Variants in AVEN observed in about 807,000 individuals in gnomAD.
AVEN encodes the protein cell death regulator Aven.
AVEN carries 41 observed loss-of-function variants against 38.1 expected under a neutral mutation model. That is an observed-to-expected ratio of 1.08 (90% CI 0.84 to 1.40). AVEN has a LOEUF of 1.40. AVEN is among the 40% of genes most tolerant of loss of function. AVEN has a pLI of 0.00. For missense variants in AVEN, 605 were observed against 438.8 expected (o/e 1.38, Z -3.38); for synonymous variants, 206 against 171.8 (o/e 1.20, Z -1.56).
At chr15:33,859,335 C>T (rs548524176) in intron 11 of AVEN, among the ~76,000 whole-genome samples, 1 of 152,312 alleles carries the variant, frequency 6.6e-6, no homozygotes, top group East Asian at 1.9e-4. Flanking sequence ...CTTTAATGGG[C>T]CTAAAAATAC....
At chr15:33,904,573 G>A (rs1892608846) in intron 2 of AVEN, among the ~76,000 whole-genome samples, 2 of 151,592 alleles carry the variant, frequency 1.3e-5, no homozygotes, top group Admixed American at 6.6e-5. Flanking sequence ...CACCACGCCT[G>A]GCTAATTTTT....
chr15:33,857,408 C>CA (rs1555495886), downstream of AVEN, among the ~76,000 whole-genome samples: 4 of 151,758 alleles, frequency 2.6e-5, no homozygotes, highest in African/African-American at 9.7e-5. Context: ...AGATTGGTTG[C>CA]GGGCCCATCT....
chr15:33,989,400 A>G (rs1896620280), intron 2 of AVEN, among the ~76,000 whole-genome samples: 1 of 151,860 alleles, frequency 6.6e-6, no homozygotes. Flanking sequence ...AACTACCCCT[A>G]GATTAAAGCA....
chr15:33,966,161 C>T lies in AVEN; in HGVS notation c.445+36871G>A, dbSNP rs539183815. On this transcript the variant is annotated intron_variant, in intron 2 of 5. Coordinates refer to ENST00000306730, the MANE Select transcript of AVEN (RefSeq NM_020371.3). ...CCCTCTATAACCACTTTTTCACCCA[C>T]CCTACAAAGTTCTCCAGCAGAACCT... Among the ~76,000 whole-genome samples the T allele has an allele frequency of 7.9e-5, 12 of 152,150 alleles. No homozygotes were observed. The South Asian group carries it at 2.5e-3, about 32-fold the overall frequency.
chr15:33,859,464 C>A, intron 11 of AVEN: 1 of 1,206,320 alleles, frequency 8.3e-7, no homozygotes, highest in Non-Finnish European at 1.2e-6. Context: ...GAGTTCCCCT[C>A]TCGTGGCTTA....
chr15:33,897,701 G>A (rs755220915), intron 2 of AVEN, among the ~76,000 whole-genome samples: 31 of 151,842 alleles, frequency 2.0e-4, no homozygotes, highest in Non-Finnish European at 3.8e-4. Context: ...AACATAAGAC[G>A]ACCTTATCTC....
At chr15:33,886,468 A>C (rs1891706485) in intron 2 of AVEN, among the ~76,000 whole-genome samples, 1 of 152,050 alleles carries the variant, frequency 6.6e-6, no homozygotes, top group Non-Finnish European at 1.5e-5. Context: ...ACACTCGGCT[A>C]ATTTTTTTGT....
intron 2 of AVEN, among the ~76,000 whole-genome samples, chr15:33,901,643 G>A (rs1349475119): frequency 6.6e-6 from 1 of 152,158 alleles, no homozygotes; most frequent in Non-Finnish European, 1.5e-5. Context: ...CAGTGTGCCA[G>A]GGTTCCCTTT....
chr15:34,027,733 G>A (rs1175755047), intron 1 of AVEN, among the ~76,000 whole-genome samples: 2 of 150,792 alleles, frequency 1.3e-5, no homozygotes, highest in Non-Finnish European at 2.9e-5. Flanking sequence ...TTCACTCTGT[G>A]CAAACAGTCC....
At chr15:33,927,828 G>C (rs1015959509) in intron 2 of AVEN, among the ~76,000 whole-genome samples, 14 of 152,128 alleles carry the variant, frequency 9.2e-5, no homozygotes, top group African/African-American at 3.4e-4. Context: ...GAACCTTGGA[G>C]GGTCTAGATA....
intron 5 of AVEN, 50 bp downstream of exon 5, chr15:33,867,445 T>TC: frequency 6.5e-7 from 1 of 1,533,424 alleles, no homozygotes; most frequent in East Asian, 2.3e-5. Context: ...GGGCTGTTCT[T>TC]GAAAAAACAC....
rs1381411256 is a variant in AVEN, at chr15:34,073,986, C to CTTTTTTTTTTTTTTTTTTTTT, written n.720+449_720+450insAAAAAAAAAAAAAAAAAAAAA. Among the ~76,000 whole-genome samples the CTTTTTTTTTTTTTTTTTTTTT allele has an allele frequency of 7.1e-5, 8 of 112,190 alleles. 2 individuals are homozygous for CTTTTTTTTTTTTTTTTTTTTT. Among genetic ancestry groups the CTTTTTTTTTTTTTTTTTTTTT allele is most frequent in the African/African-American group, 2.9e-4 (7 of 24,272 alleles). 73.6% of individuals were successfully genotyped at this position (112,190 alleles called of 152,430 possible). A position where few individuals can be genotyped will look rare whatever the true frequency, so the allele number is the denominator to read the frequency against. On this transcript the variant is annotated intron_variant and non_coding_transcript_variant, in intron 1 of 11. Coordinates refer to the AVEN transcript ENST00000675287. ...TGGAGGAACTTTCTTTTTTCTTCTTCTTCTTTTTTTTTTTTTTTTTTTTTT... is the reference window on the plus strand; with the variant it reads ...TGGAGGAACTTTCTTTTTTCTTCTTCTTTTTTTTTTTTTTTTTTTTTTTCTTTTTTTTTTTTTTTTTTTTTT...
chr15:33,931,349 CTTTTTTTTTTTTTTTTTTTTTTTTTTTTT>C (rs71119903), intron 2 of AVEN, among the ~76,000 whole-genome samples: 2 of 89,296 alleles, frequency 2.2e-5, no homozygotes, highest in Non-Finnish European at 4.1e-5. Flanking sequence ...TGAATATTTT[CTTTTTTTTTTTTTTTTTTTTTTTTTTTTT>C]TTTTTTTTTT....
intron 2 of AVEN, among the ~76,000 whole-genome samples, chr15:33,950,716 T>G (rs1447554244): frequency 6.6e-6 from 1 of 152,160 alleles, no homozygotes; most frequent in Non-Finnish European, 1.5e-5. Context: ...ATTTCTAAAG[T>G]AACTTCTGGC....
At chr15:33,943,274 CAAAAGGAAGGA>C (rs1894383615) in intron 2 of AVEN, among the ~76,000 whole-genome samples, 1 of 152,140 alleles carries the variant, frequency 6.6e-6, no homozygotes. Flanking sequence ...ATTCAGCCTT[CAAAAGGAAGGA>C]AATCCTGTCA....
intron 1 of AVEN, among the ~76,000 whole-genome samples, chr15:34,013,685 T>C (rs1467064568): frequency 6.6e-6 from 1 of 152,098 alleles, no homozygotes; most frequent in African/African-American, 2.4e-5. Flanking sequence ...TGATATCAGC[T>C]ACTATAAAAC....
At position 33,940,586 on chromosome 15, in the gene AVEN, G is replaced by C. The variant is rs185447930; in HGVS notation, c.445+62446C>G. Among the ~76,000 whole-genome samples the C allele has an allele frequency of 5.7e-3, 872 of 152,016 alleles. 6 individuals carry two copies. The highest frequency in any genetic ancestry group is 0.02 in the African/African-American group (834 of 41,432). ...AGACAGAGTCTCGCTCTGTTGCCCA[G>C]GCTGGAGTGCAATGGCACGATCTCA... On this transcript the variant is annotated intron_variant, in intron 2 of 5. Transcript: ENST00000306730.
intron 2 of AVEN, among the ~76,000 whole-genome samples, chr15:33,882,175 A>G (rs150897773): frequency 6.6e-6 from 1 of 152,298 alleles, no homozygotes; most frequent in Non-Finnish European, 1.5e-5. Flanking sequence ...AGTGCCTATT[A>G]CATAGCCTGC....
At chr15:33,854,883 C>T (rs1763324566), downstream of AVEN, 4 of 1,612,576 alleles carry the variant, frequency 2.5e-6, no homozygotes, top group Non-Finnish European at 3.4e-6. Flanking sequence ...GAGGACCATT[C>T]TGTCATCTGT....
Sources: allele counts gnomAD v4.1 joint callset (sites outside exome capture counted in the v4.1 genomes callset), GRCh38; gene constraint gnomAD v4.1.1; transcripts MANE v1.5; gene names NCBI Gene and HGNC (gene_info 2026-07-23, HGNC 2026-07-21).